NLGN1: variants seen among roughly 807,000 people sequenced by gnomAD.
NLGN1 encodes neuroligin 1.
NLGN1 carries 12 observed loss-of-function variants against 65.5 expected under a neutral mutation model. The observed-to-expected ratio is 0.18, with a 90% CI of 0.12 to 0.30. The LOEUF (loss-of-function observed/expected upper bound fraction) is 0.30. Ranked by LOEUF, NLGN1 falls within the 10% of genes least tolerant of loss-of-function variation. The pLI is 1.00. For missense variants in NLGN1, 750 were observed against 1,007.1 expected (o/e 0.74, Z 3.46); for synonymous variants, 350 against 359.5 (o/e 0.97, Z 0.30).
chr3:173,508,496 C>T (rs549089530), intron 2 of NLGN1, among the ~76,000 whole-genome samples: 4 of 152,220 alleles, frequency 2.6e-5, no homozygotes, highest in South Asian at 2.1e-4. Context: ...TGAGGCTCCC[C>T]GTATTATACA....
chr3:173,872,071 A>G (rs6797326), intron 4 of NLGN1, among the ~76,000 whole-genome samples: 91,941 of 151,878 alleles, frequency 0.61, 29,007 homozygotes, highest in Non-Finnish European at 0.71. Context: ...GAAGGTGGGT[A>G]GGTCACGAGG....
chr3:173,573,456 G>A (rs1041393650), intron 2 of NLGN1, among the ~76,000 whole-genome samples: 5 of 150,320 alleles, frequency 3.3e-5, no homozygotes, highest in Admixed American at 2.0e-4. Context: ...TGGCTAAATG[G>A]GGATACATGT....
At chr3:173,679,994 A>G (rs572249439) in intron 3 of NLGN1, among the ~76,000 whole-genome samples, 98 of 152,294 alleles carry the variant, frequency 6.4e-4, no homozygotes, top group Non-Finnish European at 1.1e-3. Context: ...AAGAGAAAAT[A>G]TTGGACCAGT....
chr3:173,636,727 T>A lies in NLGN1; in HGVS notation c.493+31636T>A, dbSNP rs926201964. 7.9e-5 allele frequency among the ~76,000 whole-genome samples: 12 copies of A among 152,250 alleles called. No individual in the cohort carries two copies. In the East Asian group the frequency reaches 2.3e-3, roughly 29 times the overall value. On this transcript the variant is annotated intron_variant, in intron 3 of 6. Coordinates refer to ENST00000457714, the Ensembl canonical transcript of NLGN1. ...TGGGGATTTTTAACTTGAAACAACA[T>A]TAAGGATAGATTATCTTGTATAAAG...
At chr3:173,666,476 A>C (rs778205420) in intron 3 of NLGN1, among the ~76,000 whole-genome samples, 1 of 152,142 alleles carries the variant, frequency 6.6e-6, no homozygotes, top group Non-Finnish European at 1.5e-5. Context: ...GTGTTAAAAC[A>C]AGTTATTGTT....
chr3:174,286,959 T>A (rs1360595546), downstream of NLGN1, among the ~76,000 whole-genome samples: 2 of 151,532 alleles, frequency 1.3e-5, no homozygotes, highest in African/African-American at 4.8e-5. Flanking sequence ...AACTTCTCAA[T>A]TTTAAATTAA....
At chr3:173,578,231 G>C (rs559676170) in intron 2 of NLGN1, among the ~76,000 whole-genome samples, 1 of 108,614 alleles carries the variant, frequency 9.2e-6, no homozygotes, top group African/African-American at 3.3e-5. Context: ...GCCAGACTCC[G>C]TCTCAAAAAA....
At chr3:173,617,926 C>A (rs572665559) in intron 3 of NLGN1, among the ~76,000 whole-genome samples, 1 of 152,094 alleles carries the variant, frequency 6.6e-6, no homozygotes, top group African/African-American at 2.4e-5. Context: ...TAATTATTTT[C>A]TTTTTTCCTT....
chr3:173,888,340 C>T (rs2150962628), intron 4 of NLGN1, among the ~76,000 whole-genome samples: 1 of 152,084 alleles, frequency 6.6e-6, no homozygotes, highest in Middle Eastern at 3.4e-3. Context: ...ATATCCTCCC[C>T]TATACTTTAA....
intron 5 of NLGN1, among the ~76,000 whole-genome samples, chr3:174,278,426 A>G (rs1472521186): frequency 6.6e-6 from 1 of 151,980 alleles, no homozygotes; most frequent in East Asian, 1.9e-4. Context: ...ACCATTTTGA[A>G]GGAAGATGGA....
intron 4 of NLGN1, among the ~76,000 whole-genome samples, chr3:173,903,338 A>C (rs908472862): frequency 6.6e-6 from 1 of 152,192 alleles, no homozygotes; most frequent in Admixed American, 6.6e-5. Context: ...GAAGGGATTG[A>C]TGGAAGTGGA....
intron 2 of NLGN1, among the ~76,000 whole-genome samples, chr3:173,525,217 C>A (rs911532233): frequency 1.4e-5 from 2 of 147,888 alleles, no homozygotes; most frequent in Non-Finnish European, 3.0e-5. Context: ...TCTGTCTGGT[C>A]CTGGGTGGGT....
chr3:173,894,867 C>T (rs1736056704), intron 4 of NLGN1, among the ~76,000 whole-genome samples: 1 of 150,698 alleles, frequency 6.6e-6, no homozygotes, highest in Non-Finnish European at 1.5e-5. Flanking sequence ...GAACTCCTGA[C>T]CTCAAGTGAT....
At chr3:174,036,588 T>G (rs1308611951) in intron 4 of NLGN1, among the ~76,000 whole-genome samples, 4 of 151,078 alleles carry the variant, frequency 2.6e-5, no homozygotes, top group African/African-American at 7.3e-5. Context: ...TTTGTTGTTT[T>G]TTTTTTTTTT....
intron 3 of NLGN1, among the ~76,000 whole-genome samples, chr3:173,652,593 C>T (rs962474834): frequency 6.6e-6 from 1 of 152,022 alleles, no homozygotes; most frequent in Non-Finnish European, 1.5e-5. Flanking sequence ...AATTCTGTTC[C>T]GTTGATCTAT....
At chr3:174,003,508 A>G (rs969834333) in intron 4 of NLGN1, among the ~76,000 whole-genome samples, 7 of 152,156 alleles carry the variant, frequency 4.6e-5, no homozygotes, top group African/African-American at 1.7e-4. Context: ...ATACATTCAA[A>G]CCAAATGATC....
intron 3 of NLGN1, among the ~76,000 whole-genome samples, chr3:173,807,382 T>C (rs918956916): frequency 6.6e-6 from 1 of 152,164 alleles, no homozygotes; most frequent in Non-Finnish European, 1.5e-5. Context: ...TTGCGTTTAC[T>C]GTCACTTGAG....
chr3:173,640,488 A>G (rs1477788539), intron 3 of NLGN1, among the ~76,000 whole-genome samples: 1 of 152,148 alleles, frequency 6.6e-6, no homozygotes, highest in African/African-American at 2.4e-5. Flanking sequence ...GACACTTCAC[A>G]ACAAAATACT....
intron 3 of NLGN1, among the ~76,000 whole-genome samples, chr3:173,734,381 ATTTTTTTTTT>A (rs71162356): frequency 2.2e-4 from 9 of 40,080 alleles, no homozygotes; most frequent in African/African-American, 7.7e-4. Context: ...GGATAATTCT[ATTTTTTTTTT>A]TTTTTTTTTT....
Sources: gnomAD v4.1 joint callset for allele counts (sites outside exome capture counted in the v4.1 genomes callset) on GRCh38, gnomAD v4.1.1 for gene constraint, MANE v1.5 for transcripts, NCBI Gene and HGNC (gene_info 2026-07-23, HGNC 2026-07-21) for gene names.